Variants in CDH6 observed in about 807,000 individuals in gnomAD.
CDH6 encodes cadherin-6.
A neutral mutation model predicts 78.0 loss-of-function variants in CDH6; 31 were observed. The ratio of observed to expected loss-of-function variants is 0.40; its 90% CI spans 0.30 to 0.54. The LOEUF (loss-of-function observed/expected upper bound fraction) is 0.54, where lower values mean the gene tolerates loss of function less well. Ranked by LOEUF, CDH6 falls within the 20% of genes least tolerant of loss-of-function variation. The pLI is 0.56. For synonymous variants in CDH6, 376 were observed against 368.8 expected (o/e 1.02, Z -0.23); for missense variants, 724 against 975.9 (o/e 0.74, Z 3.44).
At chr5:31,211,568 G>A (rs986500595) in intron 1 of CDH6, among the ~76,000 whole-genome samples, 3 of 152,112 alleles carry the variant, frequency 2.0e-5, no homozygotes, top group Admixed American at 1.3e-4. Context: ...TCAAAACAGT[G>A]TGAGAAATAA....
chr5:31,220,019 CCT>C (rs1212523115), intron 1 of CDH6, among the ~76,000 whole-genome samples: 3 of 152,168 alleles, frequency 2.0e-5, no homozygotes, highest in Non-Finnish European at 4.4e-5. Flanking sequence ...TTGTCTTAAA[CCT>C]CTCTTTTATT....
chr5:31,241,273 C>A (rs193244722), intron 1 of CDH6, among the ~76,000 whole-genome samples: 1 of 152,110 alleles, frequency 6.6e-6, no homozygotes, highest in Non-Finnish European at 1.5e-5. Flanking sequence ...TCCAACAGAG[C>A]TGCCTGACTG....
chr5:31,326,217 G>A lies in CDH6; in HGVS notation c.*2909G>A, dbSNP rs555771024. 1 of 224,134 alleles carries A rather than the reference G, an allele frequency of 4.5e-6. No homozygotes were observed. Among genetic ancestry groups the A allele is most frequent in the Non-Finnish European group, 8.9e-6 (1 of 112,484 alleles). 13.9% of individuals were successfully genotyped at this position (224,134 alleles called of 1,614,324 possible). ...AACTAAAATTCATTAAGCATAACCAGATTGCTTTTGTGGGTTGTTTCAAGG... is the reference window on the plus strand; with the variant it reads ...AACTAAAATTCATTAAGCATAACCAAATTGCTTTTGTGGGTTGTTTCAAGG... On this transcript the variant is annotated 3_prime_UTR_variant, in exon 12 of 12. Coordinates refer to ENST00000265071, the MANE Select transcript of CDH6 (RefSeq NM_004932.4).
At position 31,280,695 on chromosome 5, in the gene CDH6, C is replaced by T. The variant is rs897783936; in HGVS notation, c.228+12994C>T. On this transcript the variant is annotated intron_variant, in intron 2 of 11. Transcript: ENST00000265071. Reference sequence around the variant, plus strand: ...GTGAGGAAACTTTCCCCAGCGGGGTCGTCAGATAGTATGAATTTCTCTTTG... The same window carrying T: ...GTGAGGAAACTTTCCCCAGCGGGGTTGTCAGATAGTATGAATTTCTCTTTG... 1.1e-4 allele frequency among the ~76,000 whole-genome samples: 16 copies of T among 150,062 alleles called. No individual in the cohort carries two copies. In the South Asian group the frequency reaches 2.1e-3, roughly 20 times the overall value.
At chr5:31,297,231 T>C in intron 3 of CDH6, 58 bp from the exon 4 acceptor site, 4 of 1,453,730 alleles carry the variant, frequency 2.8e-6, no homozygotes, top group Non-Finnish European at 3.9e-6. Context: ...TTTTGGTGTG[T>C]GTCAAAGATT....
intron 5 of CDH6, among the ~76,000 whole-genome samples, chr5:31,301,239 A>G (rs1481864876): frequency 6.6e-6 from 1 of 152,258 alleles, no homozygotes; most frequent in African/African-American, 2.4e-5. Context: ...CTGAACGCCT[A>G]CATTTTAGTA....
chr5:31,283,999 G>A (rs566114093), intron 2 of CDH6, among the ~76,000 whole-genome samples: 1 of 152,162 alleles, frequency 6.6e-6, no homozygotes, highest in South Asian at 2.1e-4. Flanking sequence ...GTTTTGGGTA[G>A]AGACAGGGTT....
intron 1 of CDH6, chr5:31,251,501 G>T (rs1741907685): frequency 6.6e-6 from 1 of 152,180 alleles, no homozygotes; most frequent in South Asian, 2.1e-4. Context: ...GCAGGTAGAT[G>T]TCTAGAATAT....
intron 1 of CDH6, among the ~76,000 whole-genome samples, chr5:31,220,614 T>C (rs1265259847): frequency 1.3e-5 from 2 of 152,036 alleles, no homozygotes; most frequent in Non-Finnish European, 2.9e-5. Context: ...AAAAAAAAGG[T>C]AAACAAATAA....
At chr5:31,269,038 C>T (rs149882127) in intron 2 of CDH6, among the ~76,000 whole-genome samples, 2,190 of 152,268 alleles carry the variant, frequency 0.014, 26 homozygotes, top group Non-Finnish European at 0.024. Context: ...TACTTCACTC[C>T]ATTTCCTTTG....
chr5:31,326,250 G>C lies in CDH6; in HGVS notation c.*2942G>C. 2 of 221,344 alleles carry C rather than the reference G, an allele frequency of 9.0e-6. No individual in the cohort carries two copies. Among genetic ancestry groups the C allele is most frequent in the Non-Finnish European group, 1.8e-5 (2 of 110,778 alleles). 13.7% of individuals were successfully genotyped at this position (221,344 alleles called of 1,614,324 possible). A position where few individuals can be genotyped will look rare whatever the true frequency, so the allele number is the denominator to read the frequency against. ...TTGTGGGTTGTTTCAAGGACATTGA[G>C]AGCTTTCTGATGATATGTTTTTGCC... is the stretch of plus-strand genomic sequence containing the variant. On this transcript the variant is annotated 3_prime_UTR_variant, in exon 12 of 12. Transcript: ENST00000265071.
At chr5:31,210,837 T>C (rs1234956345) in intron 1 of CDH6, among the ~76,000 whole-genome samples, 2 of 152,244 alleles carry the variant, frequency 1.3e-5, no homozygotes, top group African/African-American at 4.8e-5. Flanking sequence ...TGAATATTTT[T>C]GATCCATGAT....
intron 1 of CDH6, among the ~76,000 whole-genome samples, chr5:31,220,109 A>G (rs1234764817): frequency 6.6e-6 from 1 of 152,224 alleles, no homozygotes; most frequent in Non-Finnish European, 1.5e-5. Context: ...TTCCACAATT[A>G]AAAACAGTTC....
At chr5:31,266,751 A>G (rs1158977392) in intron 1 of CDH6, among the ~76,000 whole-genome samples, 1 of 152,186 alleles carries the variant, frequency 6.6e-6, no homozygotes, top group African/African-American at 2.4e-5. Flanking sequence ...GCACTTTGAT[A>G]TGCTAATCTG....
chr5:31,283,472 A>G (rs865782932), intron 2 of CDH6, among the ~76,000 whole-genome samples: 5 of 152,288 alleles, frequency 3.3e-5, no homozygotes, highest in Middle Eastern at 3.4e-3. Context: ...TCATCACTTA[A>G]GCGGGGATAA....
intron 1 of CDH6, among the ~76,000 whole-genome samples, chr5:31,224,755 G>T (rs547545491): frequency 6.6e-6 from 1 of 152,050 alleles, no homozygotes; most frequent in African/African-American, 2.4e-5. Flanking sequence ...TGTTGCCCAG[G>T]CTTGTCTCAA....
intron 1 of CDH6, among the ~76,000 whole-genome samples, chr5:31,210,774 T>TG (rs1302174441): frequency 6.6e-6 from 1 of 152,252 alleles, no homozygotes; most frequent in African/African-American, 2.4e-5. Flanking sequence ...GTTGTTTTAC[T>TG]GTATTTTTGT....
intron 7 of CDH6, among the ~76,000 whole-genome samples, chr5:31,311,996 A>G (rs1344513916): frequency 6.6e-6 from 1 of 152,180 alleles, no homozygotes; most frequent in Non-Finnish European, 1.5e-5. Context: ...TGGTTTCCAA[A>G]TGCTTCTCTT....
intron 7 of CDH6, among the ~76,000 whole-genome samples, chr5:31,308,037 A>C (rs550583828): frequency 1.3e-5 from 2 of 152,184 alleles, no homozygotes; most frequent in Non-Finnish European, 2.9e-5. Context: ...ATGGTATTCC[A>C]GTGCCCTTTT....
Sources: gnomAD v4.1 joint callset for allele counts (sites outside exome capture counted in the v4.1 genomes callset) on GRCh38, gnomAD v4.1.1 for gene constraint, MANE v1.5 for transcripts, NCBI Gene and HGNC (gene_info 2026-07-23, HGNC 2026-07-21) for gene names.